Variants in ZNF804B observed in about 807,000 individuals in gnomAD.
ZNF804B encodes the protein zinc finger 804B.
ZNF804B carries 80 observed loss-of-function variants against 101.4 expected under a neutral mutation model. That is an observed-to-expected ratio of 0.79 (90% CI 0.66 to 0.95). The LOEUF (loss-of-function observed/expected upper bound fraction) is 0.95. Ranked by LOEUF, ZNF804B falls within the 40% of genes least tolerant of loss-of-function variation. The pLI, the probability that ZNF804B is intolerant of heterozygous loss-of-function variation, is 0.00. For missense variants in ZNF804B, 1,673 were observed against 1,561.9 expected (o/e 1.07, Z -1.20); for synonymous variants, 622 against 558.8 (o/e 1.11, Z -1.59).
chr7:89,220,046 C>CGT lies in ZNF804B; in HGVS notation c.249+1751_249+1752insGT, dbSNP rs1562920291. On this transcript the variant is annotated intron_variant, in intron 2 of 3. Coordinates refer to ENST00000333190, the MANE Select transcript of ZNF804B (RefSeq NM_181646.5). Reference sequence around the variant, plus strand: ...ACATATATATACGCACATATATGTGCATATATACATATATACGCACATATA... The same window carrying CGT: ...ACATATATATACGCACATATATGTGCGTATATATACATATATACGCACATATA... Among the ~76,000 whole-genome samples, 5 of 30,658 alleles carry CGT rather than the reference C, an allele frequency of 1.6e-4. 2 individuals are homozygous for CGT. Among genetic ancestry groups the CGT allele is most frequent in the Admixed American group, 5.5e-4 (2 of 3,614 alleles). The allele number at this position is 30,658 out of a possible 152,430, so 20.1% of individuals were successfully genotyped here. A position where few individuals can be genotyped will look rare whatever the true frequency, so the allele number is the denominator to read the frequency against.
intron 1 of ZNF804B, among the ~76,000 whole-genome samples, chr7:88,804,404 C>T (rs1267089081): frequency 1.3e-5 from 2 of 152,036 alleles, no homozygotes; most frequent in African/African-American, 2.4e-5. Flanking sequence ...TGGTATGCTT[C>T]GAAAATACCT....
intron 1 of ZNF804B, among the ~76,000 whole-genome samples, chr7:88,856,857 G>C (rs1791568327): frequency 6.6e-6 from 1 of 152,140 alleles, no homozygotes. Context: ...TGCATCTATT[G>C]AGATAATCGT....
intron 2 of ZNF804B, among the ~76,000 whole-genome samples, chr7:89,312,834 A>C (rs1790665261): frequency 6.6e-6 from 1 of 151,796 alleles, no homozygotes; most frequent in African/African-American, 2.4e-5. Flanking sequence ...AAAAAAAAAG[A>C]TAATGACATG....
intron 1 of ZNF804B, among the ~76,000 whole-genome samples, chr7:89,171,364 CTT>C: frequency 3.4e-5 from 4 of 117,720 alleles, no homozygotes; most frequent in African/African-American, 1.0e-4. Flanking sequence ...TCTTCCTCCT[CTT>C]CCTCTTCTTC....
At chr7:88,926,603 A>G (rs1009015789) in intron 1 of ZNF804B, among the ~76,000 whole-genome samples, 1 of 151,934 alleles carries the variant, frequency 6.6e-6, no homozygotes, top group Non-Finnish European at 1.5e-5. Context: ...GTGAGACTCC[A>G]TCTCAAAATA....
intron 1 of ZNF804B, among the ~76,000 whole-genome samples, chr7:89,057,677 A>G (rs1020639496): frequency 3.9e-5 from 6 of 152,072 alleles, no homozygotes; most frequent in Middle Eastern, 3.2e-3. Flanking sequence ...GAGTAGAGGC[A>G]GAAAGGAGCC....
chr7:89,039,389 T>A (rs896102466), intron 1 of ZNF804B, among the ~76,000 whole-genome samples: 1 of 152,022 alleles, frequency 6.6e-6, no homozygotes, highest in Admixed American at 6.6e-5. Flanking sequence ...TTTATTATTG[T>A]GTTTTAGTTT....
At chr7:88,900,610 AT>A (rs1031598556) in intron 1 of ZNF804B, among the ~76,000 whole-genome samples, 2 of 149,414 alleles carry the variant, frequency 1.3e-5, no homozygotes, top group African/African-American at 2.5e-5. Flanking sequence ...AGAAAAAAAA[AT>A]CTCTTTATTA....
At chr7:89,264,592 T>C (rs148776017) in intron 2 of ZNF804B, among the ~76,000 whole-genome samples, 10 of 152,270 alleles carry the variant, frequency 6.6e-5, no homozygotes, top group African/African-American at 2.2e-4. Context: ...ATCTCACACA[T>C]AGGTTTCTTT....
chr7:89,316,732 A>G, intron 2 of ZNF804B, among the ~76,000 whole-genome samples: 1 of 152,160 alleles, frequency 6.6e-6, no homozygotes, highest in East Asian at 1.9e-4. Context: ...TTGAGAAGAA[A>G]TCCTTCCACA....
intron 1 of ZNF804B, among the ~76,000 whole-genome samples, chr7:89,077,003 C>T (rs548460006): frequency 3.9e-5 from 6 of 151,954 alleles, no homozygotes; most frequent in East Asian, 3.9e-4. Context: ...CTTCAATATT[C>T]GGTGACATAA....
At chr7:89,058,127 C>T (rs983522332) in intron 1 of ZNF804B, among the ~76,000 whole-genome samples, 1 of 152,090 alleles carries the variant, frequency 6.6e-6, no homozygotes. Flanking sequence ...TGGATGCTTA[C>T]TTGCCCTTAG....
intron 1 of ZNF804B, among the ~76,000 whole-genome samples, chr7:88,952,025 A>G (rs1259412416): frequency 3.3e-5 from 5 of 151,866 alleles, no homozygotes; most frequent in Non-Finnish European, 7.4e-5. Context: ...ATATTCATTT[A>G]GCTACAAAGC....
At chr7:88,925,879 C>T (rs919297919) in intron 1 of ZNF804B, among the ~76,000 whole-genome samples, 3 of 152,074 alleles carry the variant, frequency 2.0e-5, no homozygotes, top group Non-Finnish European at 4.4e-5. Flanking sequence ...AAATTAGAGA[C>T]AGTGACAAAG....
chr7:88,875,804 A>G (rs1190260281), intron 1 of ZNF804B, among the ~76,000 whole-genome samples: 2 of 152,212 alleles, frequency 1.3e-5, no homozygotes, highest in Admixed American at 1.3e-4. Flanking sequence ...TCGCTAACTC[A>G]TTTTATGAGG....
chr7:89,127,348 A>T (rs911567319), intron 1 of ZNF804B, among the ~76,000 whole-genome samples: 1 of 151,838 alleles, frequency 6.6e-6, no homozygotes, highest in Non-Finnish European at 1.5e-5. Flanking sequence ...ACATTGGAAG[A>T]GCACAAATCC....
intron 2 of ZNF804B, among the ~76,000 whole-genome samples, chr7:89,306,363 C>T (rs1052964065): frequency 2.0e-5 from 3 of 152,006 alleles, no homozygotes; most frequent in Admixed American, 2.0e-4. Context: ...GGATTCCATG[C>T]ATGACCGTGC....
intron 1 of ZNF804B, among the ~76,000 whole-genome samples, chr7:89,042,494 T>C (rs370855917): frequency 2.0e-5 from 3 of 152,150 alleles, no homozygotes; most frequent in East Asian, 3.9e-4. Flanking sequence ...AAATCTGAGA[T>C]TTTTTTTCAC....
At chr7:89,225,321 G>T (rs182220643) in intron 2 of ZNF804B, among the ~76,000 whole-genome samples, 110 of 152,136 alleles carry the variant, frequency 7.2e-4, no homozygotes, top group African/African-American at 2.2e-3. Flanking sequence ...AGGGCTTTCT[G>T]TGTTTTGTTT....
Sources: gnomAD v4.1 joint callset for allele counts (sites outside exome capture counted in the v4.1 genomes callset) on GRCh38, gnomAD v4.1.1 for gene constraint, MANE v1.5 for transcripts, NCBI Gene and HGNC (gene_info 2026-07-23, HGNC 2026-07-21) for gene names.